SGMS1: variants seen among roughly 807,000 people sequenced by gnomAD.
The protein encoded by SGMS1 is sphingomyelin synthase 1, also known as phosphatidylcholine:ceramide cholinephosphotransferase 1.
Under a neutral mutation model 46.2 loss-of-function variants are expected in SGMS1, and 13 were observed. The ratio of observed to expected loss-of-function variants is 0.28; its 90% CI spans 0.18 to 0.45. SGMS1 has a LOEUF of 0.45. Ranked by LOEUF, SGMS1 falls within the 20% of genes least tolerant of loss-of-function variation. The pLI, the probability that SGMS1 is intolerant of heterozygous loss-of-function variation, is 1.00. For synonymous variants in SGMS1, 203 were observed against 187.8 expected (o/e 1.08, Z -0.66); for missense variants, 324 against 519.9 (o/e 0.62, Z 3.66).
chr10:50,544,979 G>A (rs897524637), intron 2 of SGMS1, among the ~76,000 whole-genome samples: 1 of 152,168 alleles, frequency 6.6e-6, no homozygotes, highest in African/African-American at 2.4e-5. Flanking sequence ...TTATGAAGGA[G>A]CACAAGGGAA....
At chr10:50,483,349 G>A (rs565381225) in intron 3 of SGMS1, among the ~76,000 whole-genome samples, 15 of 152,200 alleles carry the variant, frequency 9.9e-5, no homozygotes, top group African/African-American at 3.6e-4. Flanking sequence ...CAAGGTGCTG[G>A]GATTACAAGC....
At chr10:50,505,791 A>G (rs1388372717) in intron 3 of SGMS1, among the ~76,000 whole-genome samples, 1 of 152,142 alleles carries the variant, frequency 6.6e-6, no homozygotes, top group Non-Finnish European at 1.5e-5. Flanking sequence ...TGGTCAGGGA[A>G]AGTCTCCCTA....
At chr10:50,493,023 G>A (rs1227202425) in intron 3 of SGMS1, among the ~76,000 whole-genome samples, 3 of 151,994 alleles carry the variant, frequency 2.0e-5, no homozygotes, top group Admixed American at 1.3e-4. Flanking sequence ...ATGAGGCAAC[G>A]AACCTCGGGT....
At chr10:50,496,504 A>G (rs570740355) in intron 3 of SGMS1, among the ~76,000 whole-genome samples, 4 of 152,172 alleles carry the variant, frequency 2.6e-5, no homozygotes, top group Admixed American at 6.5e-5. Flanking sequence ...AACGAGGCAC[A>G]CAGCACTAGT....
At chr10:50,354,870 T>C (rs1589402667) in intron 6 of SGMS1, among the ~76,000 whole-genome samples, 1 of 152,006 alleles carries the variant, frequency 6.6e-6, no homozygotes, top group Non-Finnish European at 1.5e-5. Flanking sequence ...ATCAGAGAAA[T>C]GCAAATCAAA....
At chr10:50,464,583 C>T (rs1837307202) in intron 4 of SGMS1, among the ~76,000 whole-genome samples, 1 of 152,068 alleles carries the variant, frequency 6.6e-6, no homozygotes, top group Admixed American at 6.5e-5. Context: ...CAGGCATCCA[C>T]CACCACATCT....
At chr10:50,473,031 A>G (rs770224357) in intron 3 of SGMS1, 7 of 152,234 alleles carry the variant, frequency 4.6e-5, no homozygotes, top group Non-Finnish European at 8.8e-5. Flanking sequence ...ACCACACTAT[A>G]TTAGAACATA....
At chr10:50,532,946 A>G (rs985377449) in intron 2 of SGMS1, among the ~76,000 whole-genome samples, 16 of 152,214 alleles carry the variant, frequency 1.1e-4, no homozygotes, top group African/African-American at 3.6e-4. Flanking sequence ...GTTAGGTGCC[A>G]GGAACAGTAA....
intron 2 of SGMS1, among the ~76,000 whole-genome samples, chr10:50,576,793 A>C (rs1427940231): frequency 6.6e-6 from 1 of 152,224 alleles, no homozygotes; most frequent in Non-Finnish European, 1.5e-5. Flanking sequence ...CTGCCAATAG[A>C]AGTGTGTTAA....
intron 3 of SGMS1, among the ~76,000 whole-genome samples, chr10:50,479,592 T>C (rs1837458262): frequency 6.6e-6 from 1 of 152,208 alleles, no homozygotes; most frequent in African/African-American, 2.4e-5. Context: ...ACTTTTCCCA[T>C]GTTTGCAAAA....
chr10:50,448,543 G>A (rs1383340205), intron 5 of SGMS1, among the ~76,000 whole-genome samples: 13 of 151,992 alleles, frequency 8.6e-5, no homozygotes, highest in Non-Finnish European at 2.9e-5. Context: ...TCGGGAGTTC[G>A]AGACCAGCCT....
At chr10:50,381,138 G>A (rs951567461) in intron 6 of SGMS1, among the ~76,000 whole-genome samples, 4 of 151,724 alleles carry the variant, frequency 2.6e-5, no homozygotes, top group African/African-American at 4.8e-5. Context: ...CTTGATGGCT[G>A]TTAAAGAAAA....
At chr10:50,491,766 TAAAACTATTCCCC>T (rs1012755799) in intron 3 of SGMS1, among the ~76,000 whole-genome samples, 1 of 152,124 alleles carries the variant, frequency 6.6e-6, no homozygotes, top group African/African-American at 2.4e-5. Flanking sequence ...CCATTCCTGT[TAAAACTATTCCCC>T]AAAACTGATG....
chr10:50,551,154 T>C (rs1017799511), intron 2 of SGMS1, among the ~76,000 whole-genome samples: 1 of 151,944 alleles, frequency 6.6e-6, no homozygotes. Context: ...TGCCAAACAC[T>C]AGCTCAGCTT....
At chr10:50,361,290 C>A (rs895308097) in intron 6 of SGMS1, among the ~76,000 whole-genome samples, 1 of 152,212 alleles carries the variant, frequency 6.6e-6, no homozygotes, top group East Asian at 1.9e-4. Context: ...CGAACGAGGT[C>A]ACCCTGCCCC....
chr10:50,330,852 C>T (rs576271698), intron 7 of SGMS1, among the ~76,000 whole-genome samples: 77 of 152,134 alleles, frequency 5.1e-4, no homozygotes, highest in Non-Finnish European at 9.4e-4. Context: ...AAAACATGAA[C>T]GGACAGACAA....
At chr10:50,322,275 A>T (rs1847457717) in intron 8 of SGMS1, among the ~76,000 whole-genome samples, 1 of 152,236 alleles carries the variant, frequency 6.6e-6, no homozygotes, top group Non-Finnish European at 1.5e-5. Flanking sequence ...GGAGACCACA[A>T]AACACGCCCA....
chr10:50,588,661 G>A (rs1214774447), intron 2 of SGMS1, among the ~76,000 whole-genome samples: 1 of 147,894 alleles, frequency 6.8e-6, no homozygotes, highest in Non-Finnish European at 1.5e-5. Context: ...TCTCCTATAA[G>A]TTTAGGTTTA....
intron 5 of SGMS1, among the ~76,000 whole-genome samples, chr10:50,454,839 C>T (rs1387909793): frequency 4.6e-5 from 7 of 152,114 alleles, no homozygotes. Flanking sequence ...TATAAAAATT[C>T]ACCAACTTAT....
Sources: allele counts gnomAD v4.1 joint callset (sites outside exome capture counted in the v4.1 genomes callset), GRCh38; gene constraint gnomAD v4.1.1; transcripts MANE v1.5; gene names NCBI Gene and HGNC (gene_info 2026-07-23, HGNC 2026-07-21).